CEP164: variants seen among roughly 807,000 people sequenced by gnomAD.
The protein encoded by CEP164 is centrosomal protein 164.
A neutral mutation model predicts 182.7 loss-of-function variants in CEP164; 162 were observed. That is an observed-to-expected ratio of 0.89 (90% CI 0.78 to 1.01). The LOEUF (loss-of-function observed/expected upper bound fraction) is 1.01, where lower values mean the gene tolerates loss of function less well. Among genes scored for constraint, CEP164 ranks in the 50% least tolerant of loss-of-function variants. The pLI, the probability that CEP164 is intolerant of heterozygous loss-of-function variation, is 0.00. For missense variants in CEP164, 1,735 were observed against 1,790.4 expected, an observed-to-expected ratio of 0.97 and a Z score of 0.56; for synonymous variants, 661 against 690.0, an observed-to-expected ratio of 0.96 and a Z score of 0.66.
At chr11:117,379,489 A>G (rs1046861837) in intron 11 of CEP164, among the ~76,000 whole-genome samples, 2 of 152,208 alleles carry the variant, frequency 1.3e-5, no homozygotes, top group South Asian at 2.1e-4. Context: ...TGCAGGTCCT[A>G]GGATGGGGAC....
At chr11:117,389,195 C>T (rs571480517) in intron 15 of CEP164, among the ~76,000 whole-genome samples, 3 of 152,272 alleles carry the variant, frequency 2.0e-5, no homozygotes. Flanking sequence ...TTCCGAATCA[C>T]GTTTTTCCTA....
chr11:117,356,944 G>A (rs909557950), intron 5 of CEP164, among the ~76,000 whole-genome samples: 26 of 152,118 alleles, frequency 1.7e-4, no homozygotes, highest in Admixed American at 3.3e-4. Flanking sequence ...CATTCGTGCA[G>A]GATATAAACA....
intron 27 of CEP164, among the ~76,000 whole-genome samples, chr11:117,402,440 C>T (rs544168500): frequency 6.4e-4 from 98 of 152,100 alleles, no homozygotes; most frequent in Admixed American, 2.0e-3. Flanking sequence ...AGGCTGGTCT[C>T]GAGCTCCTGA....
intron 10 of CEP164, among the ~76,000 whole-genome samples, chr11:117,375,194 C>T (rs1258152260): frequency 1.3e-5 from 2 of 152,196 alleles, no homozygotes; most frequent in Non-Finnish European, 2.9e-5. Flanking sequence ...TTGGGCACCA[C>T]GGAGAGGGAG....
intron 1 of CEP164, among the ~76,000 whole-genome samples, chr11:117,335,145 C>T (rs487261): frequency 0.038 from 5,799 of 152,300 alleles, 188 homozygotes; most frequent in Non-Finnish European, 0.059. Flanking sequence ...TGGTCCTTTT[C>T]TGCTCAGCTT....
At chr11:117,323,089 C>T (rs1419480394), upstream of CEP164, among the ~76,000 whole-genome samples, 4 of 151,844 alleles carry the variant, frequency 2.6e-5, no homozygotes, top group East Asian at 1.9e-4. Flanking sequence ...TTAGTAGAGA[C>T]GGGGTTTCTC....
At chr11:117,412,013 T>C in intron 32 of CEP164, 59 bp from the exon 33 acceptor site, 1 of 1,611,784 alleles carries the variant, frequency 6.2e-7, no homozygotes. Context: ...CTTTGACCCT[T>C]TCATGGCCCC....
At chr11:117,402,013 A>T (rs2046198832) in intron 27 of CEP164, among the ~76,000 whole-genome samples, 1 of 151,954 alleles carries the variant, frequency 6.6e-6, no homozygotes, top group Non-Finnish European at 1.5e-5. Context: ...GTCTTCTGCT[A>T]ACTTTTGAAT....
At chr11:117,337,577 TC>T (rs886641905) in intron 2 of CEP164, among the ~76,000 whole-genome samples, 1 of 151,780 alleles carries the variant, frequency 6.6e-6, no homozygotes, top group Non-Finnish European at 1.5e-5. Context: ...TTTCCACTTT[TC>T]CCCCATATCC....
At position 117,397,227 on chromosome 11, in the gene CEP164, C is replaced by T. The variant is rs374437787; in HGVS notation, c.3415C>T (p.Arg1139Cys). ...TCTGAAAGCTGCCCAGCAGCATTGG[C>T]GCCATGAGCTGGCCAGTGCGCAGGA... Reference protein sequence around the residue: ...TALKAAQQHWRHELASAQEVA... With the variant: ...TALKAAQQHWCHELASAQEVA... Residue 1139 changes from arginine (R) to cysteine (C), a missense_variant, in exon 27 of 33, where the codon CGC becomes TGC. Coordinates refer to ENST00000278935, the MANE Select transcript of CEP164 (RefSeq NM_014956.5). 43 of 1,614,092 alleles carry T rather than the reference C, an allele frequency of 2.7e-5. No homozygotes were observed. The highest frequency in any genetic ancestry group is 1.1e-4 in the East Asian group (5 of 44,898).
chr11:117,390,658 G>T, intron 15 of CEP164, 119 bp from the exon 16 acceptor site: 15 of 1,142,132 alleles, frequency 1.3e-5, no homozygotes, highest in East Asian at 5.0e-5. Flanking sequence ...AAAAAAAAAA[G>T]ATTTAGGAAG....
chr11:117,400,198 G>GC (rs1457731490), intron 27 of CEP164, among the ~76,000 whole-genome samples: 2 of 152,110 alleles, frequency 1.3e-5, no homozygotes, highest in Non-Finnish European at 1.5e-5. Flanking sequence ...TCAGTTTTCT[G>GC]CATATGGCTA....
rs776781418 is a variant in CEP164, at chr11:117,396,191, G to A, written c.3216+11G>A. 1.3e-6 allele frequency: 2 copies of A among 1,546,014 alleles called. No homozygotes were observed. Among genetic ancestry groups the A allele is most frequent in the African/African-American group, 2.7e-5 (2 of 74,258 alleles). Reference sequence around the variant, plus strand: ...AAATCCCTTGGAACAGTGAGCTGGGGGCTGGGGCCTGGGGGCTGGGGCACC... The same window carrying A: ...AAATCCCTTGGAACAGTGAGCTGGGAGCTGGGGCCTGGGGGCTGGGGCACC... On this transcript the variant is annotated intron_variant, in intron 25 of 32. Transcript: ENST00000278935.
In CEP164 at chr11:117,409,544, T is replaced by G. The variant is rs1358720636; in HGVS notation, c.3749-74T>G. 2 of 1,386,460 alleles carry G rather than the reference T, an allele frequency of 1.4e-6. No homozygotes were observed. Among genetic ancestry groups the G allele is most frequent in the Non-Finnish European group, 2.0e-6 (2 of 1,007,074 alleles). 85.9% of individuals were successfully genotyped at this position (1,386,460 alleles called of 1,614,324 possible). On this transcript the variant is annotated intron_variant, in intron 29 of 32. Coordinates refer to ENST00000278935, the MANE Select transcript of CEP164 (RefSeq NM_014956.5). This position sits in a 1 kb window ranked among gnomAD's most constrained non-coding sequence, Gnocchi z 4.4. ...GAGGGGTGGCCAGTAGGGTCCTCCATGACAGCTGTGTCTGGGAATGGTCCA... is the reference window on the plus strand; with the variant it reads ...GAGGGGTGGCCAGTAGGGTCCTCCAGGACAGCTGTGTCTGGGAATGGTCCA...
intron 2 of CEP164, chr11:117,336,457 G>C (rs2037134999): frequency 6.8e-7 from 1 of 1,466,318 alleles, no homozygotes; most frequent in Admixed American, 1.7e-5. Context: ...AGGATGAGGG[G>C]CCCCACCTGG....
At chr11:117,396,747 C>G in intron 26 of CEP164, 136 bp downstream of exon 26, 1 of 763,140 alleles carries the variant, frequency 1.3e-6, no homozygotes. Context: ...GGGGAAGGCT[C>G]CGGAGGATTA....
chr11:117,360,852 C>T (rs967696984), intron 5 of CEP164, among the ~76,000 whole-genome samples: 5 of 151,978 alleles, frequency 3.3e-5, no homozygotes, highest in Non-Finnish European at 7.4e-5. Flanking sequence ...CTTGACTCAT[C>T]AGTTTTAAAC....
At chr11:117,352,453 C>T (rs2039765071) in intron 5 of CEP164, among the ~76,000 whole-genome samples, 1 of 152,054 alleles carries the variant, frequency 6.6e-6, no homozygotes, top group African/African-American at 2.4e-5. Flanking sequence ...CAGATGTAGC[C>T]ATAATTTAGT....
Position 117,412,169 on chromosome 11 carries a change from G to C in CEP164, c.*1G>C. ...CAGAGTGAAGGTGTATCGCTTCTGAGGCCCTGAGCAGGGGCTTGGGGCAGC... is the reference window on the plus strand; with the variant it reads ...CAGAGTGAAGGTGTATCGCTTCTGACGCCCTGAGCAGGGGCTTGGGGCAGC... On this transcript the variant is annotated 3_prime_UTR_variant, in exon 33 of 33. Transcript: ENST00000278935. 1 of 1,613,854 alleles carries C rather than the reference G, an allele frequency of 6.2e-7. No individual in the cohort carries two copies. Among genetic ancestry groups the C allele is most frequent in the South Asian group, 1.1e-5 (1 of 91,052 alleles).
Sources: allele counts gnomAD v4.1 joint callset (sites outside exome capture counted in the v4.1 genomes callset), GRCh38; gene constraint gnomAD v4.1.1; non-coding constraint Gnocchi (gnomAD v3.1); transcripts MANE v1.5; gene names NCBI Gene and HGNC (gene_info 2026-07-23, HGNC 2026-07-21).